The following MYOF variants were observed in gnomAD, a reference collection of about 807,000 sequenced individuals.
MYOF encodes fer-1-like 3, myoferlin.
MYOF carries 244 observed loss-of-function variants against 284.2 expected under a neutral mutation model. The ratio of observed to expected loss-of-function variants is 0.86; its 90% CI spans 0.77 to 0.95. The LOEUF (loss-of-function observed/expected upper bound fraction) is 0.95, where lower values mean the gene tolerates loss of function less well. MYOF is among the 40% of genes least tolerant of loss of function. The pLI, the probability that MYOF is intolerant of heterozygous loss-of-function variation, is 0.00. For synonymous variants in MYOF, 904 were observed against 919.7 expected, an observed-to-expected ratio of 0.98 and a Z score of 0.31; for missense variants, 2,496 against 2,560.6, an observed-to-expected ratio of 0.97 and a Z score of 0.54.
chr10:93,392,644 A>G lies in MYOF; in HGVS notation c.1456+273T>C, dbSNP rs145183155. On this transcript the variant is annotated intron_variant, in intron 17 of 53. Coordinates refer to ENST00000359263, the MANE Select transcript of MYOF (RefSeq NM_013451.4). ...CATAAACAATAACAGAAAATGTTAT[A>G]TCTCACAATCAATTATTTGCAATAA... Among the ~76,000 whole-genome samples the G allele has an allele frequency of 2.5e-4, 38 of 152,342 alleles. 1 individual carries two copies. The highest frequency in any genetic ancestry group is 8.9e-4 in the African/African-American group (37 of 41,590).
At chr10:93,355,109 A>G (rs1844735419) in intron 31 of MYOF, among the ~76,000 whole-genome samples, 1 of 152,250 alleles carries the variant, frequency 6.6e-6, no homozygotes, top group Admixed American at 6.5e-5. Context: ...TAGACTGTTA[A>G]TATCAGTGAT....
In MYOF at chr10:93,325,969, C is replaced by T. The variant is rs1416137514; in HGVS notation, c.5132-4G>A. Reference sequence around the variant, plus strand: ...TGGTGCAGGATTTTGTTGGCTTCTGCAATGGAAAGCAGCATTGAAGCAGGA... The same window carrying T: ...TGGTGCAGGATTTTGTTGGCTTCTGTAATGGAAAGCAGCATTGAAGCAGGA... On this transcript the variant is annotated splice_polypyrimidine_tract_variant and splice_region_variant and intron_variant, in intron 45 of 53. Transcript: ENST00000359263. 1.2e-6 allele frequency: 2 copies of T among 1,613,938 alleles called. No homozygotes were observed. Among genetic ancestry groups the T allele is most frequent in the East Asian group, 2.2e-5 (1 of 44,872 alleles).
chr10:93,459,696 T>C (rs2056830906), intron 1 of MYOF, among the ~76,000 whole-genome samples: 1 of 152,170 alleles, frequency 6.6e-6, no homozygotes, highest in Admixed American at 6.6e-5. Context: ...CATAAGGAAG[T>C]TTATGGTTGC....
chr10:93,474,111 T>G (rs2057208323), intron 1 of MYOF, among the ~76,000 whole-genome samples: 1 of 152,186 alleles, frequency 6.6e-6, no homozygotes, highest in Non-Finnish European at 1.5e-5. Flanking sequence ...CTTATCACTT[T>G]AATTTAATCA....
chr10:93,310,272 C>G (rs2133702723), intron 52 of MYOF, 105 bp from the exon 53 acceptor site: 1 of 1,407,396 alleles, frequency 7.1e-7, no homozygotes, highest in Non-Finnish European at 9.8e-7. Context: ...TTAATAAGGT[C>G]AAGAAAAAAT....
intron 48 of MYOF, among the ~76,000 whole-genome samples, chr10:93,320,486 A>G (rs1842803057): frequency 6.6e-6 from 1 of 152,226 alleles, no homozygotes; most frequent in Admixed American, 6.5e-5. Context: ...GTAATCTTAC[A>G]GCTTCCTTTT....
rs565668804 is a variant in MYOF at position 93,329,903 on chromosome 10, G to A, written c.4812-69C>T. ...AGTACCTCACAAAAACTGGGGCTCT[G>A]TGCACAGAATTCCCAGGCTGTGTGT... On this transcript the variant is annotated intron_variant, in intron 43 of 53. Transcript: ENST00000359263. 7.2e-6 allele frequency: 11 copies of A among 1,518,766 alleles called. No homozygotes were observed. In the African/African-American group the frequency reaches 1.2e-4, roughly 17 times the overall value. The allele number at this position is 1,518,766 out of a possible 1,614,324, so 94.1% of individuals were successfully genotyped here.
intron 38 of MYOF, among the ~76,000 whole-genome samples, chr10:93,340,858 C>T (rs954351824): frequency 2.0e-5 from 3 of 152,098 alleles, no homozygotes; most frequent in African/African-American, 7.2e-5. Flanking sequence ...GTTCTGGTAT[C>T]TGTTAGAGCA....
intron 1 of MYOF, among the ~76,000 whole-genome samples, chr10:93,465,538 CTTTTTT>C (rs71031511): frequency 8.9e-6 from 1 of 112,164 alleles, no homozygotes; most frequent in African/African-American, 3.3e-5. Context: ...TTTTTCTTTT[CTTTTTT>C]TTTTTTTTTG....
chr10:93,332,063 T>C (rs1843331934), intron 43 of MYOF, among the ~76,000 whole-genome samples: 1 of 152,106 alleles, frequency 6.6e-6, no homozygotes, highest in African/African-American at 2.4e-5. Context: ...ACCCCACCTC[T>C]ATTAATAGAG....
intron 39 of MYOF, among the ~76,000 whole-genome samples, chr10:93,339,677 C>T (rs1180972944): frequency 6.6e-6 from 1 of 151,838 alleles, no homozygotes; most frequent in African/African-American, 2.4e-5. Flanking sequence ...GCATGTTGGC[C>T]AGGCTGATCT....
chr10:93,448,757 G>A (rs1369287791), intron 3 of MYOF, among the ~76,000 whole-genome samples: 4 of 152,218 alleles, frequency 2.6e-5, no homozygotes, highest in Non-Finnish European at 5.9e-5. Flanking sequence ...CACTTTGGGA[G>A]ACCAAGGTGG....
At chr10:93,370,108 A>G (rs1174365098) in intron 24 of MYOF, among the ~76,000 whole-genome samples, 1 of 152,158 alleles carries the variant, frequency 6.6e-6, no homozygotes, top group African/African-American at 2.4e-5. Context: ...CAAAAGCAAC[A>G]GTGGAAAAAA....
At chr10:93,475,575 A>C (rs1299013606) in intron 1 of MYOF, among the ~76,000 whole-genome samples, 1 of 152,236 alleles carries the variant, frequency 6.6e-6, no homozygotes, top group East Asian at 1.9e-4. Flanking sequence ...ACTAAGCATC[A>C]AGGACTTTGT....
chr10:93,449,076 G>A, intron 3 of MYOF, among the ~76,000 whole-genome samples: 1 of 152,110 alleles, frequency 6.6e-6, no homozygotes, highest in East Asian at 1.9e-4. Context: ...CCAATATGGT[G>A]GCCACTAGCT....
intron 20 of MYOF, among the ~76,000 whole-genome samples, chr10:93,380,599 A>G (rs928350023): frequency 1.3e-5 from 2 of 152,208 alleles, no homozygotes; most frequent in Admixed American, 6.5e-5. Context: ...ATTTGTTGAC[A>G]GTTTTATTGG....
At chr10:93,331,624 C>T (rs546450463) in intron 43 of MYOF, among the ~76,000 whole-genome samples, 17 of 150,192 alleles carry the variant, frequency 1.1e-4, no homozygotes, top group Admixed American at 8.7e-4. Context: ...AAAAGGAAAA[C>T]GATCATATTG....
At chr10:93,343,015 AGTT>A (rs1164713602) in intron 38 of MYOF, among the ~76,000 whole-genome samples, 7 of 151,846 alleles carry the variant, frequency 4.6e-5, no homozygotes, top group South Asian at 2.1e-4. Flanking sequence ...TATATGGTCC[AGTT>A]GTTAGTGAGT....
intron 5 of MYOF, among the ~76,000 whole-genome samples, chr10:93,420,988 C>T (rs1478803110): frequency 1.3e-5 from 2 of 152,082 alleles, no homozygotes; most frequent in East Asian, 3.9e-4. Flanking sequence ...GAGGCCAAGG[C>T]AGGTGGATCA....
Sources: gnomAD v4.1 joint callset for allele counts (sites outside exome capture counted in the v4.1 genomes callset) on GRCh38, gnomAD v4.1.1 for gene constraint, MANE v1.5 for transcripts, NCBI Gene and HGNC (gene_info 2026-07-23, HGNC 2026-07-21) for gene names.